Variants in GRID2 observed in about 807,000 individuals in gnomAD.
GRID2 encodes glutamate ionotropic receptor delta type subunit 2.
In GRID2, 33 loss-of-function variants were observed where a neutral mutation model predicts 114.8. The ratio of observed to expected loss-of-function variants is 0.29; its 90% CI spans 0.22 to 0.38. The LOEUF (loss-of-function observed/expected upper bound fraction) is 0.38, where lower values mean the gene tolerates loss of function less well. GRID2 is among the 10% of genes least tolerant of loss of function. The probability of loss-of-function intolerance (pLI) is 1.00; values close to 1 mark genes in which losing one functional copy is unlikely to be tolerated. For synonymous variants in GRID2, 505 were observed against 449.9 expected (o/e 1.12, Z -1.55); for missense variants, 1,184 against 1,257.7 (o/e 0.94, Z 0.89).
rs531973308 is a variant in GRID2 at position 93,065,044 on chromosome 4, G to T, written c.245-19951G>T. On this transcript the variant is annotated intron_variant, in intron 2 of 15. Transcript: ENST00000282020. ...ATAAGATTGAGGCTATCGTGTTTTT[G>T]TGTTTTTCAATACAAAGTAAAAACG... Among the ~76,000 whole-genome samples the T allele has an allele frequency of 3.0e-4, 46 of 151,876 alleles. No individual in the cohort carries two copies. In the South Asian group the frequency reaches 9.5e-3, roughly 31 times the overall value.
chr4:93,137,640 G>A (rs1378897104), intron 4 of GRID2, among the ~76,000 whole-genome samples: 1 of 152,090 alleles, frequency 6.6e-6, no homozygotes, highest in Non-Finnish European at 1.5e-5. Context: ...TGCAATTTAG[G>A]CTATCTTGTA....
At chr4:93,053,767 G>C (rs533317958) in intron 2 of GRID2, among the ~76,000 whole-genome samples, 5 of 151,920 alleles carry the variant, frequency 3.3e-5, no homozygotes, top group Non-Finnish European at 5.9e-5. Context: ...GAGAGCTATA[G>C]CTGTATAAAA....
chr4:92,516,215 T>A (rs2149135665), intron 1 of GRID2, among the ~76,000 whole-genome samples: 1 of 152,074 alleles, frequency 6.6e-6, no homozygotes, highest in South Asian at 2.1e-4. Flanking sequence ...TTTGTTAAAC[T>A]TTATTTGATG....
intron 1 of GRID2, among the ~76,000 whole-genome samples, chr4:92,536,303 T>A (rs1725628478): frequency 6.6e-6 from 1 of 152,048 alleles, no homozygotes; most frequent in African/African-American, 2.4e-5. Flanking sequence ...TGCTGATTGG[T>A]GTGTTTACAA....
In GRID2 at chr4:93,011,097, T is replaced by C. The variant is rs187631868; in HGVS notation, c.245-73898T>C. Among the ~76,000 whole-genome samples the C allele has an allele frequency of 7.5e-3, 1,138 of 151,874 alleles. 5 individuals are homozygous for C. The highest frequency in any genetic ancestry group is 0.012 in the Non-Finnish European group (834 of 67,878). The stretch of plus-strand genomic sequence containing the variant: ...AATTTTTTAATATGTCCAGGTAATT[T>C]TTTAAAAATATATTTAAGACAGGTT... On this transcript the variant is annotated intron_variant, in intron 2 of 15. Coordinates refer to ENST00000282020, the MANE Select transcript of GRID2 (RefSeq NM_001510.4).
intron 8 of GRID2, among the ~76,000 whole-genome samples, chr4:93,300,718 G>T (rs561243113): frequency 2.2e-4 from 33 of 152,278 alleles, no homozygotes; most frequent in Non-Finnish European, 4.0e-4. Flanking sequence ...AGACGGTAGG[G>T]CTTTATTCAG....
At chr4:93,146,615 GAGAGAGAA>G (rs1459074753) in intron 4 of GRID2, among the ~76,000 whole-genome samples, 5 of 151,780 alleles carry the variant, frequency 3.3e-5, no homozygotes, top group African/African-American at 9.7e-5. Flanking sequence ...AGGAGAGAGA[GAGAGAGAA>G]AGAGAGAAAG....
At chr4:93,314,556 T>C (rs1166347933) in intron 8 of GRID2, among the ~76,000 whole-genome samples, 1 of 152,128 alleles carries the variant, frequency 6.6e-6, no homozygotes, top group Non-Finnish European at 1.5e-5. Context: ...ATAGCCTGGC[T>C]AACTCTGTTA....
chr4:92,505,787 A>G (rs1723935127), intron 1 of GRID2, among the ~76,000 whole-genome samples: 1 of 152,034 alleles, frequency 6.6e-6, no homozygotes, highest in South Asian at 2.1e-4. Context: ...AGTGCAATGT[A>G]TATCTTTAAT....
intron 1 of GRID2, among the ~76,000 whole-genome samples, chr4:92,531,243 T>A: frequency 6.6e-6 from 1 of 151,952 alleles, no homozygotes; most frequent in East Asian, 1.9e-4. Flanking sequence ...TGTTTGAAAA[T>A]ATGCATAATT....
At chr4:93,288,994 A>G (rs1753464198) in intron 8 of GRID2, among the ~76,000 whole-genome samples, 1 of 152,180 alleles carries the variant, frequency 6.6e-6, no homozygotes, top group Admixed American at 6.5e-5. Context: ...TATTTGTTTT[A>G]TTAAGTGTGA....
chr4:93,726,781 C>G (rs1050877044), intron 14 of GRID2, among the ~76,000 whole-genome samples: 9 of 152,084 alleles, frequency 5.9e-5, no homozygotes, highest in Non-Finnish European at 8.8e-5. Context: ...ATTTGGCTCT[C>G]TGTTTGTCTG....
chr4:92,889,576 T>A (rs927355107), intron 2 of GRID2, among the ~76,000 whole-genome samples: 6 of 152,002 alleles, frequency 3.9e-5, no homozygotes, highest in Non-Finnish European at 7.4e-5. Context: ...GATGTGACAG[T>A]CCTTTTCAAG....
intron 14 of GRID2, among the ~76,000 whole-genome samples, chr4:93,644,322 A>G (rs1413343255): frequency 2.1e-5 from 1 of 47,956 alleles, no homozygotes; most frequent in African/African-American, 2.1e-4. Flanking sequence ...CTATTCGGCC[A>G]TCTTGGCTCC....
Position 92,936,250 on chromosome 4 carries a change from CAATT to C in GRID2, c.245-148737_245-148734del, listed in dbSNP as rs1294731182. On this transcript the variant is annotated intron_variant, in intron 2 of 15. Transcript: ENST00000282020. ...CAATTTGATCTGTTGACTAATAGTTCAATTAATTAATAGCTAAATAGGCTTTGTT... is the reference window on the plus strand; with the variant it reads ...CAATTTGATCTGTTGACTAATAGTTCAATTAATAGCTAAATAGGCTTTGTT... 3.4e-5 allele frequency among the ~76,000 whole-genome samples: 5 copies of C among 145,584 alleles called. 1 individual carries two copies. The highest frequency in any genetic ancestry group is 7.6e-5 in the Non-Finnish European group (5 of 65,924).
intron 13 of GRID2, among the ~76,000 whole-genome samples, chr4:93,550,413 A>G (rs1393401013): frequency 2.0e-5 from 3 of 152,172 alleles, no homozygotes; most frequent in African/African-American, 7.2e-5. Context: ...ACTAATATTA[A>G]CCCAATGCTT....
intron 11 of GRID2, among the ~76,000 whole-genome samples, chr4:93,460,507 C>T (rs1353067229): frequency 6.6e-6 from 1 of 152,080 alleles, no homozygotes; most frequent in Admixed American, 6.6e-5. Context: ...GAAGTCTTTC[C>T]TGGGATTGAG....
At chr4:92,925,114 C>G (rs1439712903) in intron 2 of GRID2, among the ~76,000 whole-genome samples, 1 of 152,064 alleles carries the variant, frequency 6.6e-6, no homozygotes, top group Non-Finnish European at 1.5e-5. Flanking sequence ...CCACACCTTC[C>G]TGTAACATTA....
intron 4 of GRID2, among the ~76,000 whole-genome samples, chr4:93,128,052 A>AC (rs1734454484): frequency 6.9e-6 from 1 of 145,332 alleles, no homozygotes; most frequent in Non-Finnish European, 1.5e-5. Flanking sequence ...AAAAAAAAAA[A>AC]AAAAAAACAA....
Sources: gnomAD v4.1 joint callset for allele counts (sites outside exome capture counted in the v4.1 genomes callset) on GRCh38, gnomAD v4.1.1 for gene constraint, MANE v1.5 for transcripts, NCBI Gene and HGNC (gene_info 2026-07-23, HGNC 2026-07-21) for gene names.